DOCK3: variants seen among roughly 807,000 people sequenced by gnomAD.
DOCK3 encodes the protein dedicator of cytokinesis protein 3.
Under a neutral mutation model 265.6 loss-of-function variants are expected in DOCK3, and 60 were observed. The ratio of observed to expected loss-of-function variants is 0.23; its 90% CI spans 0.18 to 0.28. The LOEUF is 0.28. Ranked by LOEUF, DOCK3 falls within the 10% of genes least tolerant of loss-of-function variation. The probability of loss-of-function intolerance (pLI) is 1.00; values close to 1 mark genes in which losing one functional copy is unlikely to be tolerated. For missense variants in DOCK3, 1,981 were observed against 2,594.3 expected (o/e 0.76, Z 5.14); for synonymous variants, 881 against 938.0 (o/e 0.94, Z 1.11).
chr3:50,797,017 C>G (rs2042827748), intron 2 of DOCK3, among the ~76,000 whole-genome samples: 1 of 152,032 alleles, frequency 6.6e-6, no homozygotes, highest in South Asian at 2.1e-4. Context: ...CACTTACACT[C>G]CAATTGGAGT....
intron 1 of DOCK3, among the ~76,000 whole-genome samples, chr3:50,775,296 A>G (rs2041519887): frequency 6.6e-6 from 1 of 152,026 alleles, no homozygotes; most frequent in African/African-American, 2.4e-5. Flanking sequence ...ACTTTTCTTT[A>G]ATAAATATAG....
In DOCK3 at chr3:51,356,382, A is replaced by C. The variant is rs764270468; in HGVS notation, c.4417-25A>C. 1.5e-5 allele frequency: 25 copies of C among 1,613,142 alleles called. No homozygotes were observed. The African/African-American group carries it at 2.9e-4, about 19-fold the overall frequency. On this transcript the variant is annotated intron_variant, in intron 42 of 52. Transcript: ENST00000266037. ...TGTGGCAAAACTTGCCTAACTGCCC[A>C]TACCTGCCTGTTCCCTCCCTACAGA...
intron 49 of DOCK3, among the ~76,000 whole-genome samples, chr3:51,371,788 G>C (rs2087699689): frequency 6.6e-6 from 1 of 152,230 alleles, no homozygotes; most frequent in Non-Finnish European, 1.5e-5. Flanking sequence ...TGAGAGGAAT[G>C]GCCTGCAAGG....
chr3:51,135,935 C>G (rs1455589308), intron 9 of DOCK3, among the ~76,000 whole-genome samples: 1 of 152,076 alleles, frequency 6.6e-6, no homozygotes, highest in Non-Finnish European at 1.5e-5. Flanking sequence ...TTCTTGAACT[C>G]CTGGGCTCAA....
intron 1 of DOCK3, among the ~76,000 whole-genome samples, chr3:50,737,131 A>T (rs13325937): frequency 0.049 from 7,499 of 151,734 alleles, 668 homozygotes; most frequent in African/African-American, 0.17. Flanking sequence ...GATTGCAAAA[A>T]TTTTTTCCCA....
At chr3:51,253,590 TG>T (rs930970629) in intron 22 of DOCK3, among the ~76,000 whole-genome samples, 1 of 152,170 alleles carries the variant, frequency 6.6e-6, no homozygotes, top group Non-Finnish European at 1.5e-5. Context: ...GGTTTAGTCT[TG>T]GGGGGTTGTG....
chr3:51,269,335 G>C (rs962781126), intron 23 of DOCK3, among the ~76,000 whole-genome samples: 82 of 151,906 alleles, frequency 5.4e-4, no homozygotes, highest in African/African-American at 1.9e-3. Context: ...ATTTAAGAGA[G>C]CAAATGAGTT....
At chr3:51,159,418 G>A (rs966779071) in intron 11 of DOCK3, 114 bp downstream of exon 11, 9 of 944,608 alleles carry the variant, frequency 9.5e-6, no homozygotes, top group Non-Finnish European at 1.5e-5. Context: ...TCAGGTCTCA[G>A]GATTAGAGTC....
At chr3:50,944,265 A>G (rs897746446) in intron 5 of DOCK3, among the ~76,000 whole-genome samples, 1 of 152,212 alleles carries the variant, frequency 6.6e-6, no homozygotes, top group Non-Finnish European at 1.5e-5. Context: ...TCTTGTTTTG[A>G]TGAAAAACAG....
At chr3:51,110,545 T>A (rs887321484) in intron 9 of DOCK3, among the ~76,000 whole-genome samples, 1 of 152,178 alleles carries the variant, frequency 6.6e-6, no homozygotes, top group African/African-American at 2.4e-5. Context: ...CTCAGATGAA[T>A]AAATGTGATT....
chr3:50,907,704 C>T (rs1459446079), intron 4 of DOCK3, among the ~76,000 whole-genome samples: 1 of 151,976 alleles, frequency 6.6e-6, no homozygotes, highest in African/African-American at 2.4e-5. Flanking sequence ...TGACTCTATC[C>T]AATTTGCCAG....
chr3:51,381,332 C>T lies in DOCK3; in HGVS notation c.5866C>T (p.His1956Tyr), dbSNP rs1553618542. 3.1e-6 allele frequency: 5 copies of T among 1,613,498 alleles called. No homozygotes were observed. The highest frequency in any genetic ancestry group is 2.5e-6 in the Non-Finnish European group (3 of 1,179,878). Residue 1956 changes from histidine (H) to tyrosine (Y), a missense_variant, in exon 53 of 53, where the codon CAC becomes TAC. Physicochemically the swap from His to Tyr is moderately conservative, Grantham distance 83. Transcript: ENST00000266037. The surrounding 1 kb of genome is among the most constrained non-coding windows in gnomAD (Gnocchi z 5.6). Reference sequence around the variant, plus strand: ...CATCAAGGCCCAGCCATGCCGAAGCCACTCAGCCCCAGGGTGCGTCATCCC... The same window carrying T: ...CATCAAGGCCCAGCCATGCCGAAGCTACTCAGCCCCAGGGTGCGTCATCCC... Reference protein sequence around the residue: ...DSIKAQPCRSHSAPGCVIPQD... With the variant: ...DSIKAQPCRSYSAPGCVIPQD...
intron 1 of DOCK3, among the ~76,000 whole-genome samples, chr3:50,710,450 C>G (rs2036685734): frequency 6.6e-6 from 1 of 152,068 alleles, no homozygotes; most frequent in Admixed American, 6.6e-5. Flanking sequence ...CAAATCAAAA[C>G]TACAATGAGA....
At chr3:50,733,833 ATTTG>A (rs2038387260) in intron 1 of DOCK3, among the ~76,000 whole-genome samples, 1 of 148,396 alleles carries the variant, frequency 6.7e-6, no homozygotes, top group African/African-American at 2.5e-5. Context: ...TTTGATGATT[ATTTG>A]TAGTGGTATA....
intron 32 of DOCK3, among the ~76,000 whole-genome samples, chr3:51,325,496 C>T (rs1333582768): frequency 1.3e-5 from 2 of 152,196 alleles, no homozygotes; most frequent in East Asian, 3.8e-4. Context: ...TTGTGGAAGA[C>T]AGTCTGGCAA....
chr3:51,060,963 G>A (rs2081387758), intron 5 of DOCK3, among the ~76,000 whole-genome samples: 1 of 152,168 alleles, frequency 6.6e-6, no homozygotes, highest in African/African-American at 2.4e-5. Flanking sequence ...ATGAAAAAAT[G>A]CTCTTCATCA....
At chr3:51,296,554 G>C (rs2082090707) in intron 27 of DOCK3, among the ~76,000 whole-genome samples, 1 of 149,342 alleles carries the variant, frequency 6.7e-6, no homozygotes, top group Non-Finnish European at 1.5e-5. Flanking sequence ...TCGGCTCACT[G>C]CAAGCTCTGC....
At chr3:51,008,669 C>A (rs9812854) in intron 5 of DOCK3, among the ~76,000 whole-genome samples, 137,233 of 152,162 alleles carry the variant, frequency 0.9, 62,048 homozygotes, top group African/African-American at 0.95. Context: ...ACTATGTTGA[C>A]TAGAGAGGGC....
chr3:51,066,640 C>T (rs1206014546), intron 6 of DOCK3, among the ~76,000 whole-genome samples: 1 of 152,042 alleles, frequency 6.6e-6, no homozygotes, highest in African/African-American at 2.4e-5. Context: ...CTCTCATGAC[C>T]CCTTCTTAAG....
Sources: allele counts gnomAD v4.1 joint callset (sites outside exome capture counted in the v4.1 genomes callset), GRCh38; gene constraint gnomAD v4.1.1; non-coding constraint Gnocchi (gnomAD v3.1); transcripts MANE v1.5; gene names NCBI Gene and HGNC (gene_info 2026-07-23, HGNC 2026-07-21).